VGLL3: variants seen among roughly 807,000 people sequenced by gnomAD.
The protein encoded by VGLL3 is vestigial like family member 3.
In VGLL3, 18 loss-of-function variants were observed where a neutral mutation model predicts 29.2. The observed-to-expected ratio is 0.62, with a 90% CI of 0.43 to 0.91. The LOEUF is 0.91. VGLL3 is among the 40% of genes least tolerant of loss of function. The pLI is 0.00. For synonymous variants in VGLL3, 180 were observed against 151.8 expected, an observed-to-expected ratio of 1.19 and a Z score of -1.36; for missense variants, 440 against 413.2, an observed-to-expected ratio of 1.06 and a Z score of -0.56.
rs937016623 is a variant in VGLL3 at position 86,940,678 on chromosome 3, A to G, written c.*6346T>C. The G allele has an allele frequency of 2.0e-5, 3 of 152,256 alleles. No homozygotes were observed. The highest frequency in any genetic ancestry group is 2.9e-5 in the Non-Finnish European group (2 of 67,964). The allele number at this position is 152,256 out of a possible 1,614,324, so 9.4% of individuals were successfully genotyped here. A position where few individuals can be genotyped will look rare whatever the true frequency, so the allele number is the denominator to read the frequency against. ...TATTGAACAAATTGAAGATAATGAC[A>G]TATGTTTTTATTACAAAGTCTTCCA... On this transcript the variant is annotated 3_prime_UTR_variant, in exon 4 of 4. Coordinates refer to ENST00000398399, the MANE Select transcript of VGLL3 (RefSeq NM_016206.4).
At chr3:86,978,479 C>A (rs201375921) in intron 2 of VGLL3, 47 bp downstream of exon 2, 11 of 1,586,706 alleles carry the variant, frequency 6.9e-6, no homozygotes, top group Admixed American at 3.5e-5. Flanking sequence ...CAGGCAGTTG[C>A]GAAACAAAGA....
chr3:86,976,162 T>C (rs998349406), intron 2 of VGLL3, among the ~76,000 whole-genome samples: 1 of 152,168 alleles, frequency 6.6e-6, no homozygotes, highest in African/African-American at 2.4e-5. Context: ...TTACTTTGCA[T>C]TTCATTCACC....
chr3:86,973,278 C>G (rs1229515813), intron 2 of VGLL3, among the ~76,000 whole-genome samples: 1 of 152,008 alleles, frequency 6.6e-6, no homozygotes, highest in Non-Finnish European at 1.5e-5. Flanking sequence ...ACATTAGAAT[C>G]AATATTGATT....
intron 3 of VGLL3, among the ~76,000 whole-genome samples, chr3:86,955,784 A>T (rs1305658802): frequency 1.3e-5 from 2 of 152,210 alleles, no homozygotes; most frequent in African/African-American, 4.8e-5. Context: ...TAGGGCTTCA[A>T]TGATTATGAA....
chr3:86,974,328 A>T (rs1705164929), intron 2 of VGLL3, among the ~76,000 whole-genome samples: 1 of 152,088 alleles, frequency 6.6e-6, no homozygotes, highest in Admixed American at 6.5e-5. Flanking sequence ...AATGTTGCCT[A>T]GGCTGGTCTC....
At chr3:86,971,933 GC>G (rs1346058267) in intron 2 of VGLL3, among the ~76,000 whole-genome samples, 1 of 152,104 alleles carries the variant, frequency 6.6e-6, no homozygotes, top group African/African-American at 2.4e-5. Flanking sequence ...CTCCCGAGGG[GC>G]TAGAATCCTA....
At chr3:86,949,838 A>G (rs568815063) in intron 3 of VGLL3, among the ~76,000 whole-genome samples, 11 of 151,494 alleles carry the variant, frequency 7.3e-5, no homozygotes, top group East Asian at 1.9e-4. Context: ...AAAAAAAAAA[A>G]AAAAGAAAAG....
At position 86,940,209 on chromosome 3, in the gene VGLL3, A is replaced by G. The variant is rs2106940522; in HGVS notation, c.*6815T>C. 2 of 152,346 alleles carry G rather than the reference A, an allele frequency of 1.3e-5. No individual in the cohort carries two copies. The highest frequency in any genetic ancestry group is 3.4e-3 in the Middle Eastern group (1 of 294). The allele number at this position is 152,346 out of a possible 1,614,324, so 9.4% of individuals were successfully genotyped here. ...TTAGAGAAACTCTAGCTTTCTTCAG[A>G]ATACAAGGTCTTGGAATTCTCTTTT... On this transcript the variant is annotated 3_prime_UTR_variant, in exon 4 of 4. Coordinates refer to ENST00000398399, the MANE Select transcript of VGLL3 (RefSeq NM_016206.4).
At chr3:86,973,422 T>G (rs2107033467) in intron 2 of VGLL3, among the ~76,000 whole-genome samples, 1 of 152,356 alleles carries the variant, frequency 6.6e-6, no homozygotes, top group Admixed American at 6.5e-5. Flanking sequence ...CTTGTTGTTC[T>G]TCCCATAAAA....
At chr3:86,965,125 C>A (rs1353760210) in intron 3 of VGLL3, among the ~76,000 whole-genome samples, 3 of 151,504 alleles carry the variant, frequency 2.0e-5, no homozygotes, top group Non-Finnish European at 2.9e-5. Context: ...CCACTGCACT[C>A]CAGCCTGGGC....
At chr3:86,982,214 G>A (rs1705339062) in intron 1 of VGLL3, among the ~76,000 whole-genome samples, 1 of 151,974 alleles carries the variant, frequency 6.6e-6, no homozygotes, top group African/African-American at 2.4e-5. Context: ...GTGTGATCTT[G>A]GCTCACTGCA....
intron 3 of VGLL3, among the ~76,000 whole-genome samples, chr3:86,960,560 G>A (rs1322986119): frequency 6.6e-6 from 1 of 152,100 alleles, no homozygotes; most frequent in Non-Finnish European, 1.5e-5. Context: ...ACAACTTCCT[G>A]TGCTTATGGC....
intron 3 of VGLL3, among the ~76,000 whole-genome samples, chr3:86,966,327 A>G (rs1314700478): frequency 2.0e-5 from 3 of 152,124 alleles, no homozygotes; most frequent in Non-Finnish European, 4.4e-5. Flanking sequence ...TGAAGGCAGT[A>G]GGAGGTCTAA....
intron 3 of VGLL3, among the ~76,000 whole-genome samples, chr3:86,964,606 C>A (rs1704920924): frequency 6.6e-6 from 1 of 152,178 alleles, no homozygotes; most frequent in Admixed American, 6.5e-5. Context: ...GTGGAGGCCT[C>A]ATGAATGGCA....
chr3:86,955,886 G>A lies in VGLL3; in HGVS notation c.938-8819C>T, dbSNP rs150895016. ...TTGTGTTAAAAAAATTATGAATTAA[G>A]TCCCCAGCATATCAGACTGTAACCC... On this transcript the variant is annotated intron_variant, in intron 3 of 3. Coordinates refer to ENST00000398399, the MANE Select transcript of VGLL3 (RefSeq NM_016206.4). Among the ~76,000 whole-genome samples, 3 of 152,270 alleles carry A rather than the reference G, an allele frequency of 2.0e-5. No homozygotes were observed. The East Asian group carries it at 5.8e-4, about 29-fold the overall frequency.
At chr3:86,951,191 A>G (rs181653683) in intron 3 of VGLL3, among the ~76,000 whole-genome samples, 171 of 152,312 alleles carry the variant, frequency 1.1e-3, no homozygotes, top group African/African-American at 4.0e-3. Context: ...GAGGATGAGA[A>G]TATGATTTTC....
chr3:86,979,627 A>G (rs1350572463), intron 1 of VGLL3, among the ~76,000 whole-genome samples: 2 of 152,174 alleles, frequency 1.3e-5, no homozygotes, highest in East Asian at 1.9e-4. Context: ...AATCTTTACA[A>G]TTCTATAACA....
chr3:86,960,530 G>A (rs866476651), intron 3 of VGLL3, among the ~76,000 whole-genome samples: 1 of 152,086 alleles, frequency 6.6e-6, no homozygotes, highest in African/African-American at 2.4e-5. Flanking sequence ...ATGAAAGTCT[G>A]TTCAGAGAGA....
chr3:86,956,510 G>A lies in VGLL3; in HGVS notation c.938-9443C>T, dbSNP rs149601734. On this transcript the variant is annotated intron_variant, in intron 3 of 3. Transcript: ENST00000398399. ...CAGTTTTTAAGAAAATACTTGGCCT[G>A]GCGCAGTGGCTCACGCCTGTAATCC... 2.4e-3 allele frequency among the ~76,000 whole-genome samples: 360 copies of A among 152,316 alleles called. 3 individuals are homozygous for A. The highest frequency in any genetic ancestry group is 8.3e-3 in the African/African-American group (344 of 41,564).
Sources: gnomAD v4.1 joint callset for allele counts (sites outside exome capture counted in the v4.1 genomes callset) on GRCh38, gnomAD v4.1.1 for gene constraint, MANE v1.5 for transcripts, NCBI Gene and HGNC (gene_info 2026-07-23, HGNC 2026-07-21) for gene names.